Variants in POTEM observed in about 807,000 individuals in gnomAD.
POTEM encodes POTE ankyrin domain family member M, also known as putative POTE ankyrin domain family member M.
For missense variants in POTEM, 24 were observed against 343.0 expected, an observed-to-expected ratio of 0.07 and a Z score of 7.35; for synonymous variants, 8 against 113.2, an observed-to-expected ratio of 0.07 and a Z score of 5.90.
Position 18,969,317 on chromosome 14 carries a change from GTATATATATATATATACGTATATACA to G in POTEM, c.521+1320_521+1345del, listed in dbSNP as rs1172885986. 4.7e-5 allele frequency among the ~76,000 whole-genome samples: 4 copies of G among 84,726 alleles called. No homozygotes were observed. The Admixed American group carries it at 4.9e-4, about 10-fold the overall frequency. 55.6% of individuals were successfully genotyped at this position (84,726 alleles called of 152,430 possible). On this transcript the variant is annotated intron_variant, in intron 1 of 10. Transcript: ENST00000547889. ...TATATATGTATATACGTATATATATGTATATATATATATATACGTATATACATATATATACATGTGTATATATATAT... is the reference window on the plus strand; with the variant it reads ...TATATATGTATATACGTATATATATGTATATATACATGTGTATATATATAT...
At chr14:18,969,274 GAT>G (rs1280928185) in intron 1 of POTEM, among the ~76,000 whole-genome samples, 1 of 118,094 alleles carries the variant, frequency 8.5e-6, no homozygotes, top group African/African-American at 3.6e-5. Context: ...TACATATGCA[GAT>G]ATATATACAC....
chr14:18,969,352 CAT>C lies in POTEM; in HGVS notation c.521+1347_521+1348del, dbSNP rs1491487478. On this transcript the variant is annotated intron_variant, in intron 1 of 10. Coordinates refer to ENST00000547889, the MANE Select transcript of POTEM (RefSeq NM_001145442.1). ...ATATATACGTATATACATATATATA[CAT>C]GTGTATATATATATATATATATATA... Among the ~76,000 whole-genome samples the C allele has an allele frequency of 8.0e-3, 731 of 91,044 alleles. 18 individuals are homozygous for C. The highest frequency in any genetic ancestry group is 0.044 in the African/African-American group (695 of 15,818). The allele number at this position is 91,044 out of a possible 152,430, so 59.7% of individuals were successfully genotyped here.
rs1488895301 is a variant in POTEM at position 19,002,730 on chromosome 14, C to A, written c.*4065C>A. Among the ~76,000 whole-genome samples, 16 of 152,268 alleles carry A rather than the reference C, an allele frequency of 1.1e-4. No homozygotes were observed. The highest frequency in any genetic ancestry group is 3.6e-4 in the African/African-American group (15 of 41,494). ...ACCGTACCATATCAGTGGAGAGCTG[C>A]AGCAAGGTGGCCCCTACGGCCACGC... On this transcript the variant is annotated 3_prime_UTR_variant, in exon 11 of 11. Transcript: ENST00000547889.
At position 18,999,316 on chromosome 14, in the gene POTEM, G is replaced by A. The variant is rs1891340068; in HGVS notation, c.*651G>A. Among the ~76,000 whole-genome samples the A allele has an allele frequency of 2.3e-5, 3 of 130,244 alleles. No individual in the cohort carries two copies. The highest frequency in any genetic ancestry group is 8.5e-5 in the African/African-American group (3 of 35,444). 85.4% of individuals were successfully genotyped at this position (130,244 alleles called of 152,430 possible). A position where few individuals can be genotyped will look rare whatever the true frequency, so the allele number is the denominator to read the frequency against. ...TTGTACACCTCTGGCCGTACTACTG[G>A]CATTGTGATGGACTCTGGTGACGGG... On this transcript the variant is annotated 3_prime_UTR_variant, in exon 11 of 11. Transcript: ENST00000547889.
At chr14:18,990,786 C>G (rs1891233270) in intron 9 of POTEM, among the ~76,000 whole-genome samples, 1 of 8,508 alleles carries the variant, frequency 1.2e-4, no homozygotes, top group Non-Finnish European at 3.5e-4. Flanking sequence ...TCCTGCCTTT[C>G]TAGTCCATTC....
Position 18,969,307 on chromosome 14 carries a change from GTATATATATGTA to G in POTEM, c.521+1311_521+1322del, listed in dbSNP as rs1255587492. ...TACACATGTATATATATGTATATAC[GTATATATATGTA>G]TATATATATATATACGTATATACAT... On this transcript the variant is annotated intron_variant, in intron 1 of 10. Transcript: ENST00000547889. Among the ~76,000 whole-genome samples the G allele has an allele frequency of 6.7e-3, 534 of 79,378 alleles. 19 individuals are homozygous for G. Among genetic ancestry groups the G allele is most frequent in the African/African-American group, 0.03 (498 of 16,764 alleles). The allele number at this position is 79,378 out of a possible 152,430, so 52.1% of individuals were successfully genotyped here. A position where few individuals can be genotyped will look rare whatever the true frequency, so the allele number is the denominator to read the frequency against.
intron 1 of POTEM, among the ~76,000 whole-genome samples, chr14:18,972,035 C>T (rs1890886587): frequency 7.0e-6 from 1 of 143,270 alleles, no homozygotes; most frequent in Middle Eastern, 3.6e-3. Context: ...CTGACTGGAA[C>T]CGCCCCAGAC....
At chr14:18,969,330 TATAC>T (rs1467742160) in intron 1 of POTEM, among the ~76,000 whole-genome samples, 23 of 125,376 alleles carry the variant, frequency 1.8e-4, no homozygotes, top group Non-Finnish European at 2.6e-4. Context: ...TATATATATA[TATAC>T]GTATATACAT....
chr14:18,982,768 G>T, intron 6 of POTEM, among the ~76,000 whole-genome samples: 1 of 75,416 alleles, frequency 1.3e-5, no homozygotes, highest in Non-Finnish European at 3.1e-5. Context: ...TTTTTTTTTG[G>T]TGTTATGCTT....
Position 18,993,122 on chromosome 14 carries a change from C to T in POTEM, c.1410-3919C>T, listed in dbSNP as rs1366988090. On this transcript the variant is annotated intron_variant, in intron 9 of 10. Coordinates refer to ENST00000547889, the MANE Select transcript of POTEM (RefSeq NM_001145442.1). ...CTGTTGGTCAGGCTGGTCTCGAACT[C>T]CTGACCTCAGGCAATCCACCCGCCT... Among the ~76,000 whole-genome samples, 5 of 68,798 alleles carry T rather than the reference C, an allele frequency of 7.3e-5. 2 individuals carry two copies. The East Asian group carries it at 1.6e-3, about 22-fold the overall frequency. 45.1% of individuals were successfully genotyped at this position (68,798 alleles called of 152,430 possible).
chr14:18,985,903 CAAAAA>C (rs1162516671), intron 7 of POTEM, among the ~76,000 whole-genome samples: 24 of 68,934 alleles, frequency 3.5e-4, no homozygotes, highest in East Asian at 7.3e-4. Flanking sequence ...GACTCTGTGT[CAAAAA>C]AAAAAAAAAA....
intron 1 of POTEM, among the ~76,000 whole-genome samples, chr14:18,969,336 T>G (rs1594271345): frequency 9.0e-6 from 1 of 111,346 alleles, no homozygotes; most frequent in South Asian, 2.7e-4. Flanking sequence ...TATATATACG[T>G]ATATACATAT....
intron 9 of POTEM, 133 bp from the exon 10 acceptor site, chr14:18,996,907 TG>T: frequency 2.3e-6 from 3 of 1,308,946 alleles, no homozygotes; most frequent in Non-Finnish European, 3.3e-6. Context: ...TTAACAGATG[TG>T]AGACCCCTTT....
chr14:18,986,648 A>C (rs1891189990), intron 7 of POTEM, among the ~76,000 whole-genome samples: 1 of 144,314 alleles, frequency 6.9e-6, no homozygotes, highest in African/African-American at 2.7e-5. Flanking sequence ...AAGAATTTGC[A>C]TCTCTTTCTG....
intron 6 of POTEM, among the ~76,000 whole-genome samples, chr14:18,983,304 G>A (rs1891128243): frequency 9.3e-6 from 1 of 107,226 alleles, no homozygotes; most frequent in Non-Finnish European, 1.9e-5. Context: ...CACAGAATTG[G>A]GACAGATGAA....
At chr14:18,974,742 C>CTTTT (rs112378752) in intron 3 of POTEM, 4,125 of 181,160 alleles carry the variant, frequency 0.023, 34 homozygotes, top group African/African-American at 0.052. Flanking sequence ...ATTAATCTGA[C>CTTTT]TTTTTTTTTT....
intron 9 of POTEM, among the ~76,000 whole-genome samples, chr14:18,996,220 ATCTC>A (rs564041851): frequency 2.2e-3 from 332 of 151,376 alleles, no homozygotes; most frequent in African/African-American, 7.8e-3. Flanking sequence ...TTTATTTCAC[ATCTC>A]TCTCTCATAC....
rs1314194374 is a variant in POTEM at position 19,000,075 on chromosome 14, TTTAA to T, written c.*1413_*1416del. Among the ~76,000 whole-genome samples, 1 of 60,588 alleles carries T rather than the reference TTTAA, an allele frequency of 1.7e-5. No individual in the cohort carries two copies. Among genetic ancestry groups the T allele is most frequent in the Non-Finnish European group, 2.9e-5 (1 of 34,378 alleles). The allele number at this position is 60,588 out of a possible 152,430, so 39.7% of individuals were successfully genotyped here. A position where few individuals can be genotyped will look rare whatever the true frequency, so the allele number is the denominator to read the frequency against. ...GAAAGCCACATGAGATTGGTATGGC[TTTAA>T]TTGTTTTCTTATTTCATTTTTTGTT... On this transcript the variant is annotated 3_prime_UTR_variant, in exon 11 of 11. Coordinates refer to ENST00000547889, the MANE Select transcript of POTEM (RefSeq NM_001145442.1).
intron 1 of POTEM, among the ~76,000 whole-genome samples, chr14:18,969,380 C>CACGTGTATATATAT (rs1890857854): frequency 1.7e-5 from 1 of 58,570 alleles, no homozygotes; most frequent in South Asian, 4.8e-4. Flanking sequence ...TATATATATA[C>CACGTGTATATATAT]ACAAAATTTC....
Sources: gnomAD v4.1 joint callset for allele counts (sites outside exome capture counted in the v4.1 genomes callset) on GRCh38, gnomAD v4.1.1 for gene constraint, MANE v1.5 for transcripts, NCBI Gene and HGNC (gene_info 2026-07-23, HGNC 2026-07-21) for gene names.